FHIT: variants seen among roughly 807,000 people sequenced by gnomAD.
FHIT encodes the protein bis(5'-adenosyl)-triphosphatase.
Under a neutral mutation model 17.9 loss-of-function variants are expected in FHIT, and 19 were observed. The observed-to-expected ratio is 1.06, with a 90% confidence interval of 0.74 to 1.56. The LOEUF is 1.56. FHIT is among the 40% of genes most tolerant of loss of function. The probability of loss-of-function intolerance (pLI) is 0.00; values close to 1 mark genes in which losing one functional copy is unlikely to be tolerated. For missense variants in FHIT, 248 were observed against 189.2 expected (o/e 1.31, Z -1.82); for synonymous variants, 81 against 69.7 (o/e 1.16, Z -0.81).
At chr3:60,839,562 A>G (rs1702647430) in intron 3 of FHIT, among the ~76,000 whole-genome samples, 2 of 152,216 alleles carry the variant, frequency 1.3e-5, no homozygotes, top group Admixed American at 1.3e-4. Context: ...TATTTACTAA[A>G]TGAAAATTTT....
chr3:61,188,258 C>T (rs1174704903), intron 2 of FHIT, among the ~76,000 whole-genome samples: 8 of 152,230 alleles, frequency 5.3e-5, no homozygotes, highest in Admixed American at 3.3e-4. Flanking sequence ...ATATCACCAC[C>T]GATCCCACGG....
intron 5 of FHIT, among the ~76,000 whole-genome samples, chr3:60,327,804 A>T (rs757487125): frequency 2.0e-5 from 3 of 152,126 alleles, no homozygotes; most frequent in Non-Finnish European, 4.4e-5. Context: ...TCCCAGTGGG[A>T]ACCTAATTCA....
At chr3:60,505,656 T>C (rs1455460237) in intron 5 of FHIT, among the ~76,000 whole-genome samples, 1 of 152,200 alleles carries the variant, frequency 6.6e-6, no homozygotes, top group Non-Finnish European at 1.5e-5. Context: ...GAATTGGGAA[T>C]ACATATTATT....
chr3:60,962,655 G>T (rs1709516473), intron 3 of FHIT, among the ~76,000 whole-genome samples: 2 of 152,108 alleles, frequency 1.3e-5, no homozygotes, highest in South Asian at 4.1e-4. Context: ...GTTGAATTTT[G>T]TCAAAGGCCT....
At chr3:60,714,728 G>T (rs1173955783) in intron 4 of FHIT, among the ~76,000 whole-genome samples, 1 of 152,084 alleles carries the variant, frequency 6.6e-6, no homozygotes, top group East Asian at 1.9e-4. Context: ...AACTTACAAG[G>T]GACGTGAAGG....
chr3:60,473,355 A>C (rs1239101266), intron 5 of FHIT, among the ~76,000 whole-genome samples: 1 of 152,204 alleles, frequency 6.6e-6, no homozygotes, highest in African/African-American at 2.4e-5. Context: ...GGGGAGCTCA[A>C]TTAAGAACCT....
chr3:59,821,881 A>C (rs1315551718), intron 8 of FHIT, among the ~76,000 whole-genome samples: 1 of 151,988 alleles, frequency 6.6e-6, no homozygotes, highest in African/African-American at 2.4e-5. Context: ...GTGATTTGTG[A>C]GATTTTGGTG....
At chr3:60,056,110 A>G (rs984371828) in intron 5 of FHIT, among the ~76,000 whole-genome samples, 2 of 152,212 alleles carry the variant, frequency 1.3e-5, no homozygotes, top group Non-Finnish European at 2.9e-5. Flanking sequence ...TGCCAAGAGC[A>G]TTATGCAGTT....
At chr3:59,949,542 T>A (rs1294956450) in intron 7 of FHIT, among the ~76,000 whole-genome samples, 4 of 152,218 alleles carry the variant, frequency 2.6e-5, no homozygotes, top group African/African-American at 9.6e-5. Flanking sequence ...ATATGTATCC[T>A]AAGCATTTAA....
At chr3:60,794,842 A>T (rs887732887) in intron 4 of FHIT, among the ~76,000 whole-genome samples, 1 of 151,982 alleles carries the variant, frequency 6.6e-6, no homozygotes, top group African/African-American at 2.4e-5. Flanking sequence ...TTTTTTCTTT[A>T]TTTGTGCTAT....
chr3:60,123,306 C>T (rs879906387), intron 5 of FHIT, among the ~76,000 whole-genome samples: 3 of 152,146 alleles, frequency 2.0e-5, no homozygotes, highest in Non-Finnish European at 2.9e-5. Flanking sequence ...AAGTATGATT[C>T]AGTGTTTCAT....
At chr3:60,172,673 T>C (rs186886722) in intron 5 of FHIT, among the ~76,000 whole-genome samples, 398 of 152,124 alleles carry the variant, frequency 2.6e-3, no homozygotes, top group Non-Finnish European at 4.7e-3. Context: ...AGAGACCCTG[T>C]AGTGGAAAAA....
chr3:60,954,094 T>C (rs1709011586), intron 3 of FHIT, among the ~76,000 whole-genome samples: 1 of 152,156 alleles, frequency 6.6e-6, no homozygotes, highest in Non-Finnish European at 1.5e-5. Context: ...GCCATCCTGG[T>C]AACCCAGAGA....
At chr3:59,822,715 T>G (rs934814257) in intron 8 of FHIT, among the ~76,000 whole-genome samples, 1 of 152,168 alleles carries the variant, frequency 6.6e-6, no homozygotes, top group African/African-American at 2.4e-5. Flanking sequence ...TTGTCAGATA[T>G]ATAGATTGTC....
intron 3 of FHIT, among the ~76,000 whole-genome samples, chr3:60,902,401 A>G (rs1553763407): frequency 6.6e-6 from 1 of 152,156 alleles, no homozygotes; most frequent in East Asian, 1.9e-4. Flanking sequence ...TGGTAATAGG[A>G]TTTGGATTAT....
chr3:61,095,647 GT>G lies in FHIT; in HGVS notation c.-163-53549del, dbSNP rs1400200074. ...CCATTGCCCCAACCTTAAAGCATCT[GT>G]TTTAAAAAAAAAAATTCATCTTTCC... On this transcript the variant is annotated intron_variant, in intron 2 of 9. Transcript: ENST00000492590. 9.3e-5 allele frequency among the ~76,000 whole-genome samples: 14 copies of G among 151,322 alleles called. No homozygotes were observed. In the East Asian group the frequency reaches 1.2e-3, roughly 13 times the overall value.
intron 4 of FHIT, among the ~76,000 whole-genome samples, chr3:60,735,382 A>C (rs566609935): frequency 6.7e-6 from 1 of 148,696 alleles, no homozygotes; most frequent in African/African-American, 2.5e-5. Context: ...TTCACTCCCC[A>C]CTGAGAATGA....
chr3:61,205,688 A>G (rs1288259569), intron 1 of FHIT, among the ~76,000 whole-genome samples: 3 of 151,994 alleles, frequency 2.0e-5, no homozygotes, highest in South Asian at 2.1e-4. Context: ...TTGTAAATTT[A>G]TTTGAGTTCA....
chr3:59,786,345 C>A (rs2106905728), intron 8 of FHIT, among the ~76,000 whole-genome samples: 1 of 152,334 alleles, frequency 6.6e-6, no homozygotes, highest in South Asian at 2.1e-4. Context: ...AAGACATGGG[C>A]TTGCTTGTCC....
Sources: allele counts gnomAD v4.1 joint callset (sites outside exome capture counted in the v4.1 genomes callset), GRCh38; gene constraint gnomAD v4.1.1; transcripts MANE v1.5; gene names NCBI Gene and HGNC (gene_info 2026-07-23, HGNC 2026-07-21).